The following DHX33 variants were observed in gnomAD, a reference collection of about 807,000 sequenced individuals.
DHX33 encodes DEAH-box helicase 33.
Under a neutral mutation model 72.5 loss-of-function variants are expected in DHX33, and 42 were observed. The observed-to-expected ratio is 0.58, with a 90% CI of 0.45 to 0.75. The LOEUF is 0.75. Among genes scored for constraint, DHX33 ranks in the 30% least tolerant of loss-of-function variants. The pLI is 0.00. For synonymous variants in DHX33, 358 were observed against 366.1 expected (o/e 0.98, Z 0.25); for missense variants, 842 against 917.5 (o/e 0.92, Z 1.06).
chr17:5,450,068 T>C (rs1916825183), intron 10 of DHX33, 135 bp downstream of exon 10: 1 of 1,073,630 alleles, frequency 9.3e-7, no homozygotes, highest in East Asian at 2.5e-5. Context: ...GCTGTCTGGC[T>C]TTCTTTTTGT....
rs991368852 is a variant in DHX33 at position 5,462,369 on chromosome 17, C to G, written c.628G>C (p.Val210Leu). 1 of 1,614,202 alleles carries G rather than the reference C, an allele frequency of 6.2e-7. No individual in the cohort carries two copies. The highest frequency in any genetic ancestry group is 8.5e-7 in the Non-Finnish European group (1 of 1,180,032). Residue 210 changes from valine (V) to leucine (L), a missense_variant, in exon 3 of 12, where the codon GTG becomes CTG. Transcript: ENST00000225296. ...TTTCTCCTCTTCTGTGCAGCTTTCA[C>G]CACTCCAAAGAGCACATCTGTGTGG... is the stretch of plus-strand genomic sequence containing the variant. ...TIHTDVLFGV[V>L]KAAQKRRKEL...
At chr17:5,460,338 T>C (rs1242777732) in intron 4 of DHX33, among the ~76,000 whole-genome samples, 7 of 151,870 alleles carry the variant, frequency 4.6e-5, no homozygotes, top group African/African-American at 1.7e-4. Context: ...ATGGCGGTTA[T>C]AATCAAGGAA....
In DHX33 at chr17:5,463,638, C is replaced by T; in HGVS notation, c.341G>A (p.Gly114Glu). 1.2e-6 allele frequency: 2 copies of T among 1,613,968 alleles called. No individual in the cohort carries two copies. Among genetic ancestry groups the T allele is most frequent in the African/African-American group, 1.3e-5 (1 of 74,976 alleles). Residue 114 changes from glycine to glutamate, a missense_variant, in exon 2 of 12, where the codon GGA (glycine) becomes GAA (glutamate). Gly to Glu is a moderately conservative substitution (Grantham distance 98). Coordinates refer to ENST00000225296, the MANE Select transcript of DHX33 (RefSeq NM_020162.4). ...TTQIPQYLYE[G>E]GISRQGIIAV... is the part of the protein sequence containing the mutation. ...AATGATGCCCTGGCGGCTGATCCCT[C>T]CTTCATACAGGTACTGAGGGATCTG...
chr17:5,447,321 C>T (rs1472762557), intron 11 of DHX33, among the ~76,000 whole-genome samples: 1 of 151,954 alleles, frequency 6.6e-6, no homozygotes, highest in African/African-American at 2.4e-5. Context: ...AGTTCGAGAC[C>T]AGCCTGGCCA....
chr17:5,462,679 T>C (rs1418376005), intron 2 of DHX33, 133 bp from the exon 3 acceptor site: 1 of 660,154 alleles, frequency 1.5e-6, no homozygotes, highest in African/African-American at 1.8e-5. Context: ...TTGGGAAGCA[T>C]GCAGTCTAGC....
rs891078179 is a variant in DHX33, at chr17:5,450,916, A to G, written c.1415T>C (p.Ile472Thr). 9 of 1,614,006 alleles carry G rather than the reference A, an allele frequency of 5.6e-6. No homozygotes were observed. The highest frequency in any genetic ancestry group is 1.1e-5 in the South Asian group (1 of 91,078). Residue 472 changes from isoleucine to threonine, a missense_variant, in exon 9 of 12, where the codon ATT becomes ACT. Physicochemically the swap from Ile to Thr is moderately conservative, Grantham distance 89. Transcript: ENST00000225296. ...KPSPDHIQAA[I>T]AQLDLLGALE... is the part of the protein sequence containing the mutation. ...AGCACCTAACAGGTCCAGTTGGGCA[A>G]TGGCCGCCTGAATGTGATCTAAAGA...
intron 4 of DHX33, among the ~76,000 whole-genome samples, chr17:5,458,676 G>T (rs567806850): frequency 2.8e-4 from 42 of 152,204 alleles, no homozygotes; most frequent in African/African-American, 9.6e-4. Context: ...TGTCACCATG[G>T]TAAGAAATTA....
intron 6 of DHX33, 131 bp from the exon 7 acceptor site, chr17:5,454,111 T>C: frequency 1.9e-6 from 2 of 1,069,254 alleles, no homozygotes; most frequent in South Asian, 1.6e-5. Flanking sequence ...GCTAGCACAA[T>C]GGACAGCACA....
chr17:5,453,700 T>C, intron 7 of DHX33, 32 bp from the exon 8 acceptor site: 1 of 1,612,482 alleles, frequency 6.2e-7, no homozygotes, highest in Non-Finnish European at 8.5e-7. Flanking sequence ...GGTCATGACC[T>C]GATCCCTCTG....
At chr17:5,454,282 C>A (rs539980689) in intron 6 of DHX33, among the ~76,000 whole-genome samples, 2 of 152,298 alleles carry the variant, frequency 1.3e-5, no homozygotes, top group South Asian at 4.1e-4. Context: ...GGATGGCCAA[C>A]CCCTCCAGTT....
At chr17:5,460,514 GT>G (rs1045004509) in intron 4 of DHX33, among the ~76,000 whole-genome samples, 16 of 139,786 alleles carry the variant, frequency 1.1e-4, no homozygotes, top group African/African-American at 2.4e-4. Flanking sequence ...TTTTTTTTTT[GT>G]TTTTTTTTTC....
Position 5,450,901 on chromosome 17 carries a change from A to G in DHX33, c.1430T>C (p.Leu477Pro), listed in dbSNP as rs1462556404. The G allele has an allele frequency of 1.2e-6, 2 of 1,614,206 alleles. No individual in the cohort carries two copies. Among genetic ancestry groups the G allele is most frequent in the Non-Finnish European group, 8.5e-7 (1 of 1,180,028 alleles). Reference sequence around the variant, plus strand: ...ATCCTTATGTTCAAGAGCACCTAACAGGTCCAGTTGGGCAATGGCCGCCTG... The same window carrying G: ...ATCCTTATGTTCAAGAGCACCTAACGGGTCCAGTTGGGCAATGGCCGCCTG... Reference protein sequence around the residue: ...HIQAAIAQLDLLGALEHKDDQ... With the variant: ...HIQAAIAQLDPLGALEHKDDQ... Residue 477 changes from leucine to proline, a missense_variant, in exon 9 of 12, where the codon CTG becomes CCG. Transcript: ENST00000225296.
Position 5,450,944 on chromosome 17 carries a change from C to T in DHX33, c.1397-10G>A, listed in dbSNP as rs1173926719. 6.2e-6 allele frequency: 10 copies of T among 1,610,592 alleles called. No homozygotes were observed. The South Asian group carries it at 1.0e-4, about 16-fold the overall frequency. The stretch of plus-strand genomic sequence containing the variant: ...GCCGCCTGAATGTGATCTAAAGAAA[C>T]AGAGACATAAAAAGGAGCCAAAAGT... On this transcript the variant is annotated splice_polypyrimidine_tract_variant and intron_variant, in intron 8 of 11. Coordinates refer to ENST00000225296, the MANE Select transcript of DHX33 (RefSeq NM_020162.4).
At chr17:5,467,651 G>A (rs993391016) in intron 1 of DHX33, among the ~76,000 whole-genome samples, 6 of 152,090 alleles carry the variant, frequency 3.9e-5, no homozygotes, top group Non-Finnish European at 8.8e-5. Flanking sequence ...TGCCAGCCGG[G>A]AGATAAACCC....
intron 1 of DHX33, among the ~76,000 whole-genome samples, chr17:5,465,674 T>C (rs1400534818): frequency 2.0e-5 from 3 of 152,222 alleles, no homozygotes; most frequent in African/African-American, 7.2e-5. Context: ...ACCTATAATC[T>C]GGCTGTGCAG....
At chr17:5,460,015 C>CT (rs747129450) in intron 4 of DHX33, among the ~76,000 whole-genome samples, 8,064 of 131,530 alleles carry the variant, frequency 0.061, 264 homozygotes, top group Non-Finnish European at 0.082. Context: ...GAAAAAGTAC[C>CT]TTTTTTTTTT....
Position 5,451,688 on chromosome 17 carries a change from C to A in DHX33, c.1397-754G>T, listed in dbSNP as rs187392214. 3.3e-5 allele frequency among the ~76,000 whole-genome samples: 5 copies of A among 152,050 alleles called. No individual in the cohort carries two copies. In the East Asian group the frequency reaches 9.6e-4, roughly 29 times the overall value. On this transcript the variant is annotated intron_variant, in intron 8 of 11. Transcript: ENST00000225296. ...ACTTTGAACCATGTAAATATAGTAC[C>A]TATTAAAGAATAAAAAAGCATTTCT...
chr17:5,449,967 G>T (rs1916819128), intron 10 of DHX33, among the ~76,000 whole-genome samples: 1 of 152,164 alleles, frequency 6.6e-6, no homozygotes, highest in South Asian at 2.1e-4. Flanking sequence ...AAGTTTTGAT[G>T]GGTTGGGAGT....
intron 2 of DHX33, among the ~76,000 whole-genome samples, chr17:5,462,802 G>A (rs1182501084): frequency 2.6e-5 from 4 of 152,120 alleles, no homozygotes; most frequent in Admixed American, 1.3e-4. Context: ...CATGTGGGCC[G>A]GGTGTGGTGG....
Sources: allele counts gnomAD v4.1 joint callset (sites outside exome capture counted in the v4.1 genomes callset), GRCh38; gene constraint gnomAD v4.1.1; transcripts MANE v1.5; gene names NCBI Gene and HGNC (gene_info 2026-07-23, HGNC 2026-07-21).